OR3A2: variants seen among roughly 807,000 people sequenced by gnomAD.
The protein encoded by OR3A2 is olfactory receptor family 3 subfamily A member 2.
For synonymous variants in OR3A2, 126 were observed against 159.3 expected (o/e 0.79, Z 1.57); for missense variants, 318 against 392.8 (o/e 0.81, Z 1.61).
intron 1 of OR3A2, among the ~76,000 whole-genome samples, chr17:3,279,787 CAAACA>C (rs376334892): frequency 0.03 from 4,537 of 152,066 alleles, 99 homozygotes; most frequent in South Asian, 0.05. Context: ...GGCTCCATCT[CAAACA>C]AAACAAAACA....
intron 2 of OR3A2, among the ~76,000 whole-genome samples, chr17:3,345,145 T>C (rs2049351544): frequency 6.6e-6 from 1 of 152,178 alleles, no homozygotes; most frequent in South Asian, 2.1e-4. Flanking sequence ...GATGCTGATG[T>C]AGGTAGGACA....
chr17:3,323,188 C>A (rs1345969868), intron 3 of OR3A2, among the ~76,000 whole-genome samples: 1 of 152,084 alleles, frequency 6.6e-6, no homozygotes, highest in Non-Finnish European at 1.5e-5. Flanking sequence ...AGAATTGCAA[C>A]CCCTGCCTTT....
At chr17:3,330,250 C>G (rs1250222463) in intron 3 of OR3A2, among the ~76,000 whole-genome samples, 1 of 151,488 alleles carries the variant, frequency 6.6e-6, no homozygotes, top group Admixed American at 6.6e-5. Flanking sequence ...GAGCTGAGTT[C>G]AATTCCTGGG....
At chr17:3,338,254 G>A (rs2049288101) in intron 2 of OR3A2, among the ~76,000 whole-genome samples, 1 of 152,092 alleles carries the variant, frequency 6.6e-6, no homozygotes, top group African/African-American at 2.4e-5. Flanking sequence ...TTCTTTTGCT[G>A]TGCAGAAGCT....
chr17:3,377,938 C>G (rs911153209), intron 2 of OR3A2, among the ~76,000 whole-genome samples: 3 of 152,144 alleles, frequency 2.0e-5, no homozygotes, highest in African/African-American at 7.2e-5. Flanking sequence ...AGTTCTGTTC[C>G]TAGGTATATA....
At chr17:3,297,813 G>A (rs1319434969) in intron 3 of OR3A2, among the ~76,000 whole-genome samples, 1 of 152,150 alleles carries the variant, frequency 6.6e-6, no homozygotes, top group Non-Finnish European at 1.5e-5. Context: ...ATCAGATTGG[G>A]CTGTAGGAGT....
intron 1 of OR3A2, among the ~76,000 whole-genome samples, chr17:3,384,933 T>C (rs1195237058): frequency 6.6e-6 from 1 of 152,124 alleles, no homozygotes; most frequent in Non-Finnish European, 1.5e-5. Context: ...GGCTCACGCC[T>C]GTAATCCCAG....
At chr17:3,332,069 C>G (rs1032935804) in intron 3 of OR3A2, among the ~76,000 whole-genome samples, 101 of 152,244 alleles carry the variant, frequency 6.6e-4, no homozygotes, top group Non-Finnish European at 1.3e-3. Flanking sequence ...GCAGTCTGCC[C>G]ATTCTCAGAT....
chr17:3,380,160 C>G (rs2049721508), intron 2 of OR3A2, among the ~76,000 whole-genome samples: 1 of 152,190 alleles, frequency 6.6e-6, no homozygotes, highest in Non-Finnish European at 1.5e-5. Context: ...AGATTAGCCT[C>G]TGTGGGTGAG....
At chr17:3,349,205 C>T (rs1379149723) in intron 2 of OR3A2, among the ~76,000 whole-genome samples, 1 of 152,162 alleles carries the variant, frequency 6.6e-6, no homozygotes. Flanking sequence ...TGTAAATGGA[C>T]TAAATGCTCC....
chr17:3,308,805 C>A (rs1188335624), intron 3 of OR3A2, among the ~76,000 whole-genome samples: 1 of 152,138 alleles, frequency 6.6e-6, no homozygotes, highest in Non-Finnish European at 1.5e-5. Flanking sequence ...CCTTTTGCCC[C>A]CTAGTGGTCT....
At chr17:3,338,055 G>T (rs2049286402) in intron 2 of OR3A2, among the ~76,000 whole-genome samples, 1 of 152,142 alleles carries the variant, frequency 6.6e-6, no homozygotes, top group South Asian at 2.1e-4. Context: ...ACGTGCTGTT[G>T]GCTGCATAAA....
intron 3 of OR3A2, among the ~76,000 whole-genome samples, chr17:3,303,615 C>A (rs2048980406): frequency 6.6e-6 from 1 of 151,852 alleles, no homozygotes; most frequent in Non-Finnish European, 1.5e-5. Flanking sequence ...TGTGGTAGTG[C>A]ATGCCTGTAG....
At chr17:3,304,469 G>T (rs1376064252) in intron 3 of OR3A2, among the ~76,000 whole-genome samples, 2 of 152,162 alleles carry the variant, frequency 1.3e-5, no homozygotes, top group African/African-American at 4.8e-5. Context: ...GCAATAAGCT[G>T]AGGCAACTGT....
At chr17:3,331,231 C>G (rs1290090345) in intron 3 of OR3A2, among the ~76,000 whole-genome samples, 2 of 151,642 alleles carry the variant, frequency 1.3e-5, no homozygotes, top group East Asian at 1.9e-4. Context: ...TTGTGGCGTT[C>G]TCTGTATTTC....
chr17:3,322,808 C>T (rs184606534), intron 3 of OR3A2, among the ~76,000 whole-genome samples: 4 of 151,914 alleles, frequency 2.6e-5, no homozygotes, highest in Admixed American at 6.6e-5. Flanking sequence ...GGTCAATTTT[C>T]GAATAGGTGT....
chr17:3,376,338 G>A (rs908297386), intron 2 of OR3A2, among the ~76,000 whole-genome samples: 4 of 152,152 alleles, frequency 2.6e-5, no homozygotes, highest in Non-Finnish European at 2.9e-5. Flanking sequence ...GGTGACGGTT[G>A]GGGCCACAGA....
intron 1 of OR3A2, among the ~76,000 whole-genome samples, chr17:3,385,363 G>A (rs879440854): frequency 2.0e-5 from 3 of 152,108 alleles, no homozygotes; most frequent in Non-Finnish European, 2.9e-5. Context: ...AAATAATGAT[G>A]ATTAAGTAAA....
intron 1 of OR3A2, among the ~76,000 whole-genome samples, chr17:3,283,383 G>A (rs374136497): frequency 2.0e-5 from 3 of 152,052 alleles, no homozygotes; most frequent in South Asian, 2.1e-4. Flanking sequence ...GCGCCACCAC[G>A]CCCAGCTAAC....
Sources: gnomAD v4.1 joint callset for allele counts (sites outside exome capture counted in the v4.1 genomes callset) on GRCh38, gnomAD v4.1.1 for gene constraint, MANE v1.5 for transcripts, NCBI Gene and HGNC (gene_info 2026-07-23, HGNC 2026-07-21) for gene names.